The following DACH2 variants were observed in gnomAD, a reference collection of about 807,000 sequenced individuals.
DACH2 encodes dachshund homolog 2.
A neutral mutation model predicts 35.8 loss-of-function variants in DACH2; 17 were observed. That is an observed-to-expected ratio of 0.48 (90% CI 0.33 to 0.71). DACH2 has a LOEUF of 0.71. Ranked by LOEUF, DACH2 falls within the 30% of genes least tolerant of loss-of-function variation. The probability of loss-of-function intolerance (pLI) is 0.02; values close to 1 mark genes in which losing one functional copy is unlikely to be tolerated. For missense variants in DACH2, 469 were observed against 472.7 expected, an observed-to-expected ratio of 0.99 and a Z score of 0.07; for synonymous variants, 195 against 177.3, an observed-to-expected ratio of 1.10 and a Z score of -0.79.
chrX:86,587,273 C>T (rs1376970653), intron 3 of DACH2, among the ~76,000 whole-genome samples: 1 of 111,702 alleles, frequency 9.0e-6, no homozygotes, highest in Non-Finnish European at 1.9e-5. Flanking sequence ...TCTCCTGAAA[C>T]TTTGCTGAAG....
intron 1 of DACH2, among the ~76,000 whole-genome samples, chrX:86,359,234 T>C (rs916094380): frequency 4.5e-4 from 50 of 110,538 alleles, no homozygotes; most frequent in Non-Finnish European, 8.3e-4. Flanking sequence ...ATTATCAAAT[T>C]CAAAATAAAA....
chrX:86,463,471 T>C (rs2037611100), intron 2 of DACH2, among the ~76,000 whole-genome samples: 1 of 110,452 alleles, frequency 9.1e-6, no homozygotes, highest in Admixed American at 9.8e-5. Flanking sequence ...TGACTAGCCG[T>C]ATGAAGAAAA....
In DACH2 at chrX:86,208,189, C is replaced by A. The variant is rs993306096; in HGVS notation, c.488+59081C>A. On this transcript the variant is annotated intron_variant, in intron 1 of 11. Coordinates refer to ENST00000373125, the MANE Select transcript of DACH2 (RefSeq NM_053281.3). ...GAATATATCATAAATGTTTCCTGAT[C>A]ACAAATAATAATAATTTTTTTTTTT... Among the ~76,000 whole-genome samples, 4 of 107,701 alleles carry A rather than the reference C, an allele frequency of 3.7e-5. No homozygotes were observed. In the East Asian group the frequency reaches 1.1e-3, roughly 31 times the overall value. The allele number at this position is 107,701 out of a possible 115,157, so 93.5% of individuals were successfully genotyped here. A position where few individuals can be genotyped will look rare whatever the true frequency, so the allele number is the denominator to read the frequency against.
chrX:86,205,485 C>T (rs1254493365), intron 1 of DACH2, among the ~76,000 whole-genome samples: 1 of 57,971 alleles, frequency 1.7e-5, no homozygotes, highest in African/African-American at 1.1e-4. Flanking sequence ...TCCTTCCCTC[C>T]TTCCCTCCTT....
At chrX:86,367,208 GAT>G (rs1325212775) in intron 1 of DACH2, among the ~76,000 whole-genome samples, 5 of 62,788 alleles carry the variant, frequency 8.0e-5, no homozygotes, top group African/African-American at 2.5e-4. Context: ...TTGTAAAAGA[GAT>G]GCATAAATTT....
intron 1 of DACH2, among the ~76,000 whole-genome samples, chrX:86,307,517 C>G (rs2034713832): frequency 9.0e-6 from 1 of 111,560 alleles, no homozygotes; most frequent in South Asian, 3.8e-4. Context: ...TTTCCCATCT[C>G]CAGTAGTGGC....
At chrX:86,459,963 C>G (rs188257866) in intron 2 of DACH2, among the ~76,000 whole-genome samples, 1 of 110,595 alleles carries the variant, frequency 9.0e-6, no homozygotes, top group East Asian at 2.8e-4. Flanking sequence ...AACTAAATTG[C>G]TAATAAAGAC....
intron 2 of DACH2, among the ~76,000 whole-genome samples, chrX:86,431,557 G>C: frequency 9.0e-6 from 1 of 111,469 alleles, no homozygotes; most frequent in Non-Finnish European, 1.9e-5. Flanking sequence ...TGTAGTGCTA[G>C]AAATAGAATT....
chrX:86,651,097 G>A lies in DACH2; in HGVS notation c.702G>A (p.Met234Ile). Residue 234 changes from methionine (M) to isoleucine (I), a missense_variant, in exon 4 of 12, where the codon ATG (methionine) becomes ATA (isoleucine). Met to Ile is a conservative substitution (Grantham distance 10). Coordinates refer to ENST00000373125, the MANE Select transcript of DACH2 (RefSeq NM_053281.3). ...MKLQKMKLMA[M>I]NTLQGNGSQN... ...TTCAGAAGATGAAGCTTATGGCTATGAACACTCTTCAGGGAAATGGAAGCC... is the reference window on the plus strand; with the variant it reads ...TTCAGAAGATGAAGCTTATGGCTATAAACACTCTTCAGGGAAATGGAAGCC... The A allele has an allele frequency of 1.7e-6, 2 of 1,209,576 alleles. No individual in the cohort carries two copies. The highest frequency in any genetic ancestry group is 2.2e-6 in the Non-Finnish European group (2 of 894,188).
chrX:86,555,831 G>A (rs141694963), intron 3 of DACH2, among the ~76,000 whole-genome samples: 2,434 of 111,275 alleles, frequency 0.022, 77 homozygotes, highest in African/African-American at 0.076. Context: ...CCATCCCTCT[G>A]GATTTTAATG....
chrX:86,266,291 A>ATCAAT (rs1157881280), intron 1 of DACH2, among the ~76,000 whole-genome samples: 1 of 111,273 alleles, frequency 9.0e-6, no homozygotes, highest in African/African-American at 3.3e-5. Flanking sequence ...CTGTTTTAGA[A>ATCAAT]TCAATCTATT....
At chrX:86,734,201 T>A (rs1192162548) in intron 6 of DACH2, among the ~76,000 whole-genome samples, 1 of 111,270 alleles carries the variant, frequency 9.0e-6, no homozygotes, top group East Asian at 2.8e-4. Context: ...GGGTTCTTTG[T>A]TCAGACACCA....
At chrX:86,164,534 C>T (rs2030876423) in intron 1 of DACH2, among the ~76,000 whole-genome samples, 1 of 111,348 alleles carries the variant, frequency 9.0e-6, no homozygotes. Context: ...ATGGTATTGA[C>T]TAGGTTGTCT....
At position 86,376,151 on chromosome X, in the gene DACH2, A is replaced by ATGTGTG. The variant is rs57467884; in HGVS notation, c.489-646_489-641dup. On this transcript the variant is annotated intron_variant, in intron 1 of 11. Transcript: ENST00000373125. ...TGTATGTATGACTGTGTGTGTGTGT[A>ATGTGTG]TGTGTGTGTGTGTGTGTGTGTGTGT... Among the ~76,000 whole-genome samples, 342 of 95,770 alleles carry ATGTGTG rather than the reference A, an allele frequency of 3.6e-3. 1 individual carries two copies. The highest frequency in any genetic ancestry group is 0.012 in the African/African-American group (318 of 26,506). The allele number at this position is 95,770 out of a possible 115,157, so 83.2% of individuals were successfully genotyped here.
chrX:86,665,366 CAAAG>C (rs974787945), intron 4 of DACH2, among the ~76,000 whole-genome samples: 6 of 111,547 alleles, frequency 5.4e-5, no homozygotes, highest in Non-Finnish European at 7.5e-5. Context: ...ATAGAAGAGA[CAAAG>C]AGAGGCACAA....
intron 7 of DACH2, among the ~76,000 whole-genome samples, chrX:86,805,018 C>T (rs200189691): frequency 8.9e-6 from 1 of 112,260 alleles, no homozygotes; most frequent in Non-Finnish European, 1.9e-5. Flanking sequence ...GGCCCCCTGT[C>T]ACAGCTCCAC....
rs774234410 is a variant in DACH2, at chrX:86,623,941, A to G, written c.641-27095A>G. Reference sequence around the variant, plus strand: ...CGCGTGCCTGTAGTCCCAGCTACACAGGAGGCTGAGGCAGGAGAATGGCGT... The same window carrying G: ...CGCGTGCCTGTAGTCCCAGCTACACGGGAGGCTGAGGCAGGAGAATGGCGT... On this transcript the variant is annotated intron_variant, in intron 3 of 11. Coordinates refer to ENST00000373125, the MANE Select transcript of DACH2 (RefSeq NM_053281.3). 3.0e-5 allele frequency among the ~76,000 whole-genome samples: 3 copies of G among 100,076 alleles called. 1 individual carries two copies. Among genetic ancestry groups the G allele is most frequent in the East Asian group, 6.8e-4 (2 of 2,934 alleles). 86.9% of individuals were successfully genotyped at this position (100,076 alleles called of 115,157 possible).
chrX:86,732,802 C>T (rs1249735778), intron 6 of DACH2, among the ~76,000 whole-genome samples: 2 of 111,810 alleles, frequency 1.8e-5, no homozygotes, highest in Non-Finnish European at 3.8e-5. Flanking sequence ...AAGTAGAAAA[C>T]AATATTGTGG....
At chrX:86,282,595 T>G (rs1223513611) in intron 1 of DACH2, among the ~76,000 whole-genome samples, 2 of 110,634 alleles carry the variant, frequency 1.8e-5, no homozygotes, top group Non-Finnish European at 3.8e-5. Flanking sequence ...GACTTCATGA[T>G]TAAAACACCA....
Sources: allele counts gnomAD v4.1 joint callset (sites outside exome capture counted in the v4.1 genomes callset), GRCh38; gene constraint gnomAD v4.1.1; transcripts MANE v1.5; gene names NCBI Gene and HGNC (gene_info 2026-07-23, HGNC 2026-07-21).